The following SEL1L2 variants were observed in gnomAD, a reference collection of about 807,000 sequenced individuals.
The protein encoded by SEL1L2 is SEL1L2 adaptor subunit of SYVN1 ubiquitin ligase, also known as protein sel-1 homolog 2.
In SEL1L2, 89 loss-of-function variants were observed where a neutral mutation model predicts 98.8. The observed-to-expected ratio is 0.90, with a 90% CI of 0.76 to 1.07. SEL1L2 has a LOEUF of 1.07. SEL1L2 is among the 50% of genes least tolerant of loss of function. The pLI, the probability that SEL1L2 is intolerant of heterozygous loss-of-function variation, is 0.00. For synonymous variants in SEL1L2, 262 were observed against 278.5 expected (o/e 0.94, Z 0.59); for missense variants, 788 against 812.0 (o/e 0.97, Z 0.36).
Position 13,973,726 on chromosome 20 carries a change from T to G in SEL1L2, c.58+16751A>C, listed in dbSNP as rs566354031. Among the ~76,000 whole-genome samples the G allele has an allele frequency of 7.9e-5, 12 of 152,304 alleles. No individual in the cohort carries two copies. The East Asian group carries it at 2.1e-3, about 27-fold the overall frequency. ...AGAGTGGATTCTTTGAGGCCTATGA[T>G]GAAGTTGTCTTTCCATGGAGAAAAC... On this transcript the variant is annotated intron_variant, in intron 1 of 19. Coordinates refer to ENST00000284951, the MANE Select transcript of SEL1L2 (RefSeq NM_025229.2).
At chr20:13,957,107 C>CTT (rs528436688) in intron 1 of SEL1L2, among the ~76,000 whole-genome samples, 1 of 146,296 alleles carries the variant, frequency 6.8e-6, no homozygotes, top group Non-Finnish European at 1.5e-5. Context: ...TTTATTTCTA[C>CTT]TTTTTTTTTT....
chr20:13,904,144 G>A (rs2047811269), intron 5 of SEL1L2, among the ~76,000 whole-genome samples: 2 of 152,144 alleles, frequency 1.3e-5, no homozygotes, highest in African/African-American at 2.4e-5. Flanking sequence ...TGACTATGGA[G>A]TTCATTTCCT....
chr20:13,862,843 A>G (rs1439722432), intron 17 of SEL1L2, among the ~76,000 whole-genome samples: 1 of 151,922 alleles, frequency 6.6e-6, no homozygotes, highest in Non-Finnish European at 1.5e-5. Context: ...GCACACCACC[A>G]CACCCAACTA....
chr20:13,865,599 T>C, intron 15 of SEL1L2, 85 bp from the exon 16 acceptor site: 3 of 1,198,366 alleles, frequency 2.5e-6, no homozygotes, highest in African/African-American at 1.5e-5. Context: ...AGTCTTCAGC[T>C]CCTACCAGCT....
At chr20:13,864,891 A>G (rs1011560663) in intron 17 of SEL1L2, among the ~76,000 whole-genome samples, 3 of 152,208 alleles carry the variant, frequency 2.0e-5, no homozygotes, top group Admixed American at 2.0e-4. Flanking sequence ...GTAAAATTGT[A>G]TATTTCAAAG....
At chr20:13,966,544 T>G (rs1323519558) in intron 1 of SEL1L2, among the ~76,000 whole-genome samples, 1 of 152,150 alleles carries the variant, frequency 6.6e-6, no homozygotes, top group Admixed American at 6.5e-5. Flanking sequence ...GGTTACAAAC[T>G]CCTGACCTCA....
intron 12 of SEL1L2, 23 bp from the exon 13 acceptor site, chr20:13,870,226 A>G: frequency 2.5e-6 from 4 of 1,575,920 alleles, no homozygotes; most frequent in African/African-American, 1.4e-5. Flanking sequence ...TATAAAGCCA[A>G]GTAAAGTCCC....
Position 13,919,025 on chromosome 20 carries a change from C to T in SEL1L2, c.382G>A (p.Glu128Lys). The stretch of plus-strand genomic sequence containing the variant: ...GGTCACTGGATAAAGACTTACTCTT[C>T]TTTTTGTTTTTGGCTTTTAGACTGC... The part of the protein sequence containing the change: ...LQQSKSQKQK[E>K]EAYLLFAKAA... Residue 128 changes from glutamate to lysine, a missense_variant, in exon 4 of 20, where the codon GAA becomes AAA. Glu to Lys is a moderately conservative substitution (Grantham distance 56). Coordinates refer to ENST00000284951, the MANE Select transcript of SEL1L2 (RefSeq NM_025229.2). 1 of 1,607,518 alleles carries T rather than the reference C, an allele frequency of 6.2e-7. No individual in the cohort carries two copies. Among genetic ancestry groups the T allele is most frequent in the Non-Finnish European group, 8.5e-7 (1 of 1,175,380 alleles).
At chr20:13,948,655 A>G (rs1393945342) in intron 2 of SEL1L2, among the ~76,000 whole-genome samples, 1 of 152,246 alleles carries the variant, frequency 6.6e-6, no homozygotes, top group Non-Finnish European at 1.5e-5. Flanking sequence ...AATACTTAGA[A>G]GAAAACATAG....
chr20:13,885,437 G>A (rs1344758425), intron 9 of SEL1L2, 34 bp from the exon 10 acceptor site: 1 of 1,356,990 alleles, frequency 7.4e-7, no homozygotes, highest in South Asian at 1.2e-5. Flanking sequence ...GATTTTAGCA[G>A]CAGTATTACT....
intron 3 of SEL1L2, among the ~76,000 whole-genome samples, chr20:13,927,335 T>C (rs1204954604): frequency 1.3e-5 from 2 of 152,224 alleles, no homozygotes. Context: ...TATTTCTTCA[T>C]TCCAACTATG....
chr20:13,922,096 T>C lies in SEL1L2; in HGVS notation c.284-2973A>G, dbSNP rs554068678. Among the ~76,000 whole-genome samples, 7 of 152,320 alleles carry C rather than the reference T, an allele frequency of 4.6e-5. No individual in the cohort carries two copies. The South Asian group carries it at 1.5e-3, about 32-fold the overall frequency. On this transcript the variant is annotated intron_variant, in intron 3 of 19. Coordinates refer to ENST00000284951, the MANE Select transcript of SEL1L2 (RefSeq NM_025229.2). ...TTTCATGAACCATATTTCTTTCTGC[T>C]AAATTAAAGGTTTTTGAAAATGAAT...
intron 2 of SEL1L2, among the ~76,000 whole-genome samples, chr20:13,940,008 C>T (rs2049679422): frequency 3.3e-5 from 5 of 152,172 alleles, no homozygotes; most frequent in Admixed American, 3.3e-4. Context: ...AGCACTGATT[C>T]ACTCATTCAA....
intron 18 of SEL1L2, among the ~76,000 whole-genome samples, chr20:13,850,729 T>C (rs1283963889): frequency 2.0e-5 from 3 of 152,236 alleles, no homozygotes; most frequent in Non-Finnish European, 4.4e-5. Context: ...AAGAACAGCC[T>C]TGATTTTAGC....
At chr20:13,943,551 G>A (rs1267378632) in intron 2 of SEL1L2, among the ~76,000 whole-genome samples, 1 of 144,954 alleles carries the variant, frequency 6.9e-6, no homozygotes, top group African/African-American at 2.6e-5. Context: ...GATAGTTTCT[G>A]TTCATTCCTT....
intron 12 of SEL1L2, among the ~76,000 whole-genome samples, chr20:13,871,151 T>C (rs902668377): frequency 2.2e-4 from 34 of 152,174 alleles, no homozygotes; most frequent in Middle Eastern, 3.4e-3. Flanking sequence ...AATGGCCTAA[T>C]CACATTTTAG....
upstream of SEL1L2, among the ~76,000 whole-genome samples, chr20:13,994,591 G>A (rs1448443748): frequency 1.3e-5 from 2 of 152,142 alleles, no homozygotes; most frequent in African/African-American, 4.8e-5. Context: ...TTTGGGGGGA[G>A]GGTACCAAAC....
At chr20:13,877,084 CA>C (rs1568875075) in intron 11 of SEL1L2, among the ~76,000 whole-genome samples, 1 of 152,170 alleles carries the variant, frequency 6.6e-6, no homozygotes, top group Non-Finnish European at 1.5e-5. Context: ...CTCAGCCTCC[CA>C]AAGTGCTGGG....
At chr20:13,951,957 CA>C (rs924358100) in intron 2 of SEL1L2, among the ~76,000 whole-genome samples, 15 of 152,214 alleles carry the variant, frequency 9.9e-5, no homozygotes, top group African/African-American at 3.6e-4. Context: ...AATTATCCTG[CA>C]AATCCTGCCA....
Sources: allele counts gnomAD v4.1 joint callset (sites outside exome capture counted in the v4.1 genomes callset), GRCh38; gene constraint gnomAD v4.1.1; transcripts MANE v1.5; gene names NCBI Gene and HGNC (gene_info 2026-07-23, HGNC 2026-07-21).